RAPGEF2: variants seen among roughly 807,000 people sequenced by gnomAD.
RAPGEF2 encodes the protein Rap guanine nucleotide exchange factor 2, also known as PDZ domain containing guanine nucleotide exchange factor (GEF) 1.
Under a neutral mutation model 186.7 loss-of-function variants are expected in RAPGEF2, and 54 were observed. That is an observed-to-expected ratio of 0.29 (90% CI 0.23 to 0.36). The LOEUF (loss-of-function observed/expected upper bound fraction) is 0.36. RAPGEF2 is among the 10% of genes least tolerant of loss of function. The pLI is 1.00. For synonymous variants in RAPGEF2, 712 were observed against 705.9 expected (o/e 1.01, Z -0.14); for missense variants, 1,532 against 2,045.0 (o/e 0.75, Z 4.84).
Position 159,134,466 on chromosome 4 carries a change from CAT to C in RAPGEF2, c.69+30236_69+30237del, listed in dbSNP as rs1377026048. Among the ~76,000 whole-genome samples, 4 of 152,292 alleles carry C rather than the reference CAT, an allele frequency of 2.6e-5. No homozygotes were observed. The East Asian group carries it at 5.8e-4, about 22-fold the overall frequency. ...AAATGTTCACATATTAATATGGACA[CAT>C]GTTTTCCCCTTCTTGATAGATACTT... On this transcript the variant is annotated intron_variant, in intron 1 of 29. Coordinates refer to ENST00000691494, the MANE Select transcript of RAPGEF2 (RefSeq NM_001394067.2).
chr4:159,219,729 T>C (rs978623369), intron 4 of RAPGEF2, among the ~76,000 whole-genome samples: 1 of 152,178 alleles, frequency 6.6e-6, no homozygotes, highest in South Asian at 2.1e-4. Flanking sequence ...AGAACTGATT[T>C]CTAAAATCAG....
rs11937961 is a variant in RAPGEF2, at chr4:159,185,542, T to C, written c.70-1100T>C. ...TGGATAAACCTTGAAAACATTGTGC[T>C]AAGTGAAGGAAGTTGTCCCCAAAGA... On this transcript the variant is annotated intron_variant, in intron 1 of 29. Coordinates refer to ENST00000691494, the MANE Select transcript of RAPGEF2 (RefSeq NM_001394067.2). Among the ~76,000 whole-genome samples the C allele has an allele frequency of 3.3e-3, 499 of 152,288 alleles. 5 individuals are homozygous for C. Among genetic ancestry groups the C allele is most frequent in the African/African-American group, 0.012 (482 of 41,564 alleles).
chr4:159,251,195 C>G (rs1328999902), intron 7 of RAPGEF2, among the ~76,000 whole-genome samples: 1 of 152,244 alleles, frequency 6.6e-6, no homozygotes, highest in Non-Finnish European at 1.5e-5. Context: ...GGACCTGCAG[C>G]CCGCCATGTC....
At chr4:159,110,466 A>G (rs1340702601) in intron 1 of RAPGEF2, among the ~76,000 whole-genome samples, 2 of 152,088 alleles carry the variant, frequency 1.3e-5, no homozygotes, top group Non-Finnish European at 2.9e-5. Context: ...ATTCCCAGCT[A>G]CTCGGGGAGA....
At chr4:159,168,088 CA>C (rs1427987568) in intron 1 of RAPGEF2, among the ~76,000 whole-genome samples, 1 of 152,176 alleles carries the variant, frequency 6.6e-6, no homozygotes, top group Non-Finnish European at 1.5e-5. Context: ...TGCCATTACT[CA>C]AAACAGGTTT....
rs368678252 is a variant in RAPGEF2, at chr4:159,268,102, C to T, written c.543+24311C>T. 1.6e-5 allele frequency: 26 copies of T among 1,594,446 alleles called. 1 individual carries two copies. Among genetic ancestry groups the T allele is most frequent in the African/African-American group, 1.5e-4 (11 of 73,434 alleles). ...AATGCTGTAGAGGGTGACTTGCCAT[C>T]GTGAGAGATTGGTACATGATGTGTA... On this transcript the variant is annotated intron_variant, in intron 7 of 29. Transcript: ENST00000691494.
intron 4 of RAPGEF2, among the ~76,000 whole-genome samples, chr4:159,219,512 C>A (rs565610221): frequency 1.3e-5 from 2 of 151,818 alleles, no homozygotes; most frequent in Non-Finnish European, 2.9e-5. Context: ...CCCGCCACCA[C>A]GTCCGGATAA....
At chr4:159,243,976 C>G (rs866334163) in intron 7 of RAPGEF2, among the ~76,000 whole-genome samples, 185 bp downstream of exon 7, 10 of 151,744 alleles carry the variant, frequency 6.6e-5, no homozygotes, top group Admixed American at 3.3e-4. Context: ...CTGTACAGAC[C>G]TGGGGATGGA....
intron 17 of RAPGEF2, among the ~76,000 whole-genome samples, chr4:159,337,910 A>AAAAAAAAAAAAAAG (rs1767681602): frequency 7.0e-6 from 1 of 143,104 alleles, no homozygotes; most frequent in Non-Finnish European, 1.5e-5. Flanking sequence ...AAAAAAAAAA[A>AAAAAAAAAAAAAAG]AAAGAAAGAA....
At chr4:159,264,945 G>C (rs115230557) in intron 7 of RAPGEF2, among the ~76,000 whole-genome samples, 1 of 152,090 alleles carries the variant, frequency 6.6e-6, no homozygotes, top group Non-Finnish European at 1.5e-5. Context: ...TCCTTTTTAA[G>C]GCTGAATAAT....
At chr4:159,141,580 G>A (rs1298507229) in intron 1 of RAPGEF2, among the ~76,000 whole-genome samples, 1 of 141,100 alleles carries the variant, frequency 7.1e-6, no homozygotes, top group East Asian at 1.9e-4. Context: ...GAGACTAAGT[G>A]TGTATATATA....
intron 24 of RAPGEF2, among the ~76,000 whole-genome samples, chr4:159,345,632 C>T (rs1392608966): frequency 6.6e-6 from 1 of 152,192 alleles, no homozygotes; most frequent in African/African-American, 2.4e-5. Context: ...ATAGATATGG[C>T]TCCCATTTAC....
intron 4 of RAPGEF2, among the ~76,000 whole-genome samples, chr4:159,225,895 A>C (rs575716942): frequency 6.6e-6 from 1 of 152,220 alleles, no homozygotes; most frequent in East Asian, 1.9e-4. Flanking sequence ...TTTGTTGGCT[A>C]TGTTTTGCAG....
At chr4:159,116,611 T>TAC (rs2111080717) in intron 1 of RAPGEF2, among the ~76,000 whole-genome samples, 1 of 152,342 alleles carries the variant, frequency 6.6e-6, no homozygotes, top group African/African-American at 2.4e-5. Flanking sequence ...CATGGAAGCA[T>TAC]ATGTTCATTG....
intron 1 of RAPGEF2, among the ~76,000 whole-genome samples, chr4:159,152,337 AAAG>A (rs1743641923): frequency 6.6e-6 from 1 of 152,190 alleles, no homozygotes; most frequent in Non-Finnish European, 1.5e-5. Context: ...AATAAGAAAG[AAAG>A]AAAAGAATGA....
chr4:159,332,805 T>TCAGAG, intron 17 of RAPGEF2, 108 bp downstream of exon 17: 1 of 1,322,128 alleles, frequency 7.6e-7, no homozygotes, highest in Non-Finnish European at 1.0e-6. Flanking sequence ...GTTCTAGGTT[T>TCAGAG]TTATGACTGA....
chr4:159,182,768 T>C (rs1469796590), intron 1 of RAPGEF2, among the ~76,000 whole-genome samples: 1 of 152,208 alleles, frequency 6.6e-6, no homozygotes, highest in African/African-American at 2.4e-5. Context: ...TGTGTCCTTA[T>C]ATAAGATTTA....
At chr4:159,344,091 C>A in intron 23 of RAPGEF2, 32 bp downstream of exon 23, 2 of 1,523,158 alleles carry the variant, frequency 1.3e-6, no homozygotes, top group Non-Finnish European at 1.8e-6. Context: ...TACCCACACA[C>A]AGTTCTTATT....
At chr4:159,171,989 T>C (rs1160710661) in intron 1 of RAPGEF2, among the ~76,000 whole-genome samples, 1 of 152,014 alleles carries the variant, frequency 6.6e-6, no homozygotes. Flanking sequence ...AACAGTGAAC[T>C]ACTATCTAGT....
Sources: allele counts gnomAD v4.1 joint callset (sites outside exome capture counted in the v4.1 genomes callset), GRCh38; gene constraint gnomAD v4.1.1; transcripts MANE v1.5; gene names NCBI Gene and HGNC (gene_info 2026-07-23, HGNC 2026-07-21).